NRXN1: variants seen among roughly 807,000 people sequenced by gnomAD.
NRXN1 encodes the protein neurexin-1.
In NRXN1, 39 loss-of-function variants were observed where a neutral mutation model predicts 150.9. That is an observed-to-expected ratio of 0.26 (90% CI 0.20 to 0.34). NRXN1 has a LOEUF of 0.34. NRXN1 is among the 10% of genes least tolerant of loss of function. NRXN1 has a pLI of 1.00. For missense variants in NRXN1, 1,815 were observed against 1,949.9 expected (o/e 0.93, Z 1.30); for synonymous variants, 924 against 757.0 (o/e 1.22, Z -3.62).
intron 17 of NRXN1, among the ~76,000 whole-genome samples, chr2:50,270,686 T>C (rs1415027560): frequency 6.6e-6 from 1 of 151,888 alleles, no homozygotes; most frequent in African/African-American, 2.4e-5. Context: ...TTTTTTTTTT[T>C]TTGAAACAGA....
chr2:50,781,331 G>T (rs957680763), intron 5 of NRXN1, among the ~76,000 whole-genome samples: 1 of 151,832 alleles, frequency 6.6e-6, no homozygotes, highest in African/African-American at 2.4e-5. Flanking sequence ...GTGTTCCAAG[G>T]CCATTCAGGA....
chr2:50,312,915 A>G (rs963467503), intron 17 of NRXN1, among the ~76,000 whole-genome samples: 1 of 152,162 alleles, frequency 6.6e-6, no homozygotes, highest in Non-Finnish European at 1.5e-5. Context: ...GGCATGCCAC[A>G]GAATTCTGAT....
At chr2:50,153,538 G>C (rs547691268) in intron 18 of NRXN1, among the ~76,000 whole-genome samples, 2 of 151,740 alleles carry the variant, frequency 1.3e-5, no homozygotes, top group Admixed American at 6.6e-5. Context: ...GTTGCAGGCT[G>C]TCTTTGAGCC....
chr2:50,956,426 G>A (rs776303553), intron 2 of NRXN1, among the ~76,000 whole-genome samples: 1 of 152,022 alleles, frequency 6.6e-6, no homozygotes, highest in Admixed American at 6.6e-5. Context: ...ACTCACTAAC[G>A]TGATGGGCTT....
intron 8 of NRXN1, among the ~76,000 whole-genome samples, chr2:50,555,525 C>G (rs1668100804): frequency 6.6e-6 from 1 of 152,130 alleles, no homozygotes; most frequent in Non-Finnish European, 1.5e-5. Flanking sequence ...AAAAAAGTAT[C>G]TCCACCAGAA....
rs114222164 is a variant in NRXN1, at chr2:50,299,201, C to G, written c.3365-62231G>C. Among the ~76,000 whole-genome samples the G allele has an allele frequency of 3.8e-3, 572 of 152,136 alleles. 1 individual carries two copies. The highest frequency in any genetic ancestry group is 0.013 in the African/African-American group (548 of 41,530). On this transcript the variant is annotated intron_variant, in intron 17 of 22. Coordinates refer to ENST00000401669, the MANE Select transcript of NRXN1 (RefSeq NM_001330078.2). ...TCCTCTCTTCCTTTCCAATATGTTT[C>G]CAAAGTAGGAAAGCTATATATGGCA...
intron 5 of NRXN1, among the ~76,000 whole-genome samples, chr2:50,914,575 T>C (rs1684957626): frequency 6.6e-6 from 1 of 151,668 alleles, no homozygotes; most frequent in Non-Finnish European, 1.5e-5. Context: ...GTTGTGAAAG[T>C]GGTTTTTAAA....
intron 17 of NRXN1, among the ~76,000 whole-genome samples, chr2:50,389,560 CTCTTA>C (rs1297817389): frequency 6.6e-6 from 1 of 151,918 alleles, no homozygotes; most frequent in Non-Finnish European, 1.5e-5. Flanking sequence ...TTTCTCTCTT[CTCTTA>C]TCTATGTCCA....
intron 21 of NRXN1, chr2:49,973,905 C>G (rs949815089): frequency 2.9e-6 from 2 of 686,074 alleles, no homozygotes; most frequent in African/African-American, 3.6e-5. Context: ...CTTCTGGTAT[C>G]TTAAACCCTG....
chr2:50,972,380 T>C (rs1463354964), intron 2 of NRXN1, among the ~76,000 whole-genome samples: 1 of 152,080 alleles, frequency 6.6e-6, no homozygotes, highest in Non-Finnish European at 1.5e-5. Flanking sequence ...TGCCACTTTG[T>C]GGGAAGTGGA....
chr2:50,303,527 T>C (rs1449644849), intron 17 of NRXN1, among the ~76,000 whole-genome samples: 1 of 152,180 alleles, frequency 6.6e-6, no homozygotes, highest in Non-Finnish European at 1.5e-5. Context: ...ATCATGTCTA[T>C]ATACTTCCAC....
intron 21 of NRXN1, among the ~76,000 whole-genome samples, chr2:49,967,876 G>C (rs1319403201): frequency 1.3e-5 from 2 of 151,992 alleles, no homozygotes; most frequent in Non-Finnish European, 2.9e-5. Context: ...GTTTTGTAAA[G>C]CAATCAAGAG....
chr2:50,755,253 T>C (rs1701035859), intron 5 of NRXN1, among the ~76,000 whole-genome samples: 2 of 151,878 alleles, frequency 1.3e-5, no homozygotes. Context: ...CCACCGCTTC[T>C]AATTGTGTGA....
At chr2:50,078,945 T>C (rs964177315) in intron 19 of NRXN1, among the ~76,000 whole-genome samples, 1 of 152,090 alleles carries the variant, frequency 6.6e-6, no homozygotes, top group Non-Finnish European at 1.5e-5. Context: ...TATTTTGGTA[T>C]CTATTAGGGA....
At chr2:50,350,391 G>A (rs774968987) in intron 17 of NRXN1, among the ~76,000 whole-genome samples, 9 of 152,114 alleles carry the variant, frequency 5.9e-5, no homozygotes, top group Non-Finnish European at 1.2e-4. Context: ...ACACAAAAAC[G>A]TGGTGCTAAA....
chr2:50,554,655 T>A (rs1667978055), intron 8 of NRXN1, among the ~76,000 whole-genome samples: 1 of 152,218 alleles, frequency 6.6e-6, no homozygotes, highest in South Asian at 2.1e-4. Flanking sequence ...CAATGCTTTA[T>A]CATCTAATAG....
At chr2:49,934,045 T>C (rs1670590509) in intron 22 of NRXN1, among the ~76,000 whole-genome samples, 1 of 152,198 alleles carries the variant, frequency 6.6e-6, no homozygotes, top group African/African-American at 2.4e-5. Context: ...AGACATTCTA[T>C]CTTTAATGGA....
At chr2:50,477,675 T>C (rs1284915714) in intron 15 of NRXN1, among the ~76,000 whole-genome samples, 1 of 152,196 alleles carries the variant, frequency 6.6e-6, no homozygotes, top group East Asian at 1.9e-4. Context: ...TTCATTTTAA[T>C]TTTTTTAAAA....
chr2:50,914,292 T>C (rs1267494088), intron 5 of NRXN1, among the ~76,000 whole-genome samples: 1 of 151,682 alleles, frequency 6.6e-6, no homozygotes, highest in Non-Finnish European at 1.5e-5. Flanking sequence ...AATCAATTTA[T>C]ATTTATTTTA....
Sources: allele counts gnomAD v4.1 joint callset (sites outside exome capture counted in the v4.1 genomes callset), GRCh38; gene constraint gnomAD v4.1.1; transcripts MANE v1.5; gene names NCBI Gene and HGNC (gene_info 2026-07-23, HGNC 2026-07-21).